The following PRLHR variants were observed in gnomAD, a reference collection of about 807,000 sequenced individuals.
The protein encoded by PRLHR is prolactin-releasing peptide receptor.
In PRLHR, 10 loss-of-function variants were observed where a neutral mutation model predicts 9.3. The observed-to-expected ratio is 1.08, with a 90% CI of 0.66 to 1.82. PRLHR has a LOEUF of 1.82. Among genes scored for constraint, PRLHR ranks in the 40% most tolerant of loss-of-function variants. PRLHR has a pLI of 0.00. For missense variants in PRLHR, 589 were observed against 512.0 expected (o/e 1.15, Z -1.45); for synonymous variants, 261 against 249.3 (o/e 1.05, Z -0.44).
In PRLHR at chr10:118,594,095, A is replaced by G. The variant is rs1172387024; in HGVS notation, c.*37T>C. On this transcript the variant is annotated 3_prime_UTR_variant, in exon 2 of 2. Coordinates refer to ENST00000239032, the MANE Select transcript of PRLHR (RefSeq NM_004248.3). The stretch of plus-strand genomic sequence containing the variant: ...GAGTGGTGCCCTAGGAGGCCAGTTG[A>G]AGTGGAGCTCCTTGACCAAGGCCTG... 1 of 1,507,142 alleles carries G rather than the reference A, an allele frequency of 6.6e-7. No individual in the cohort carries two copies. The allele number at this position is 1,507,142 out of a possible 1,614,324, so 93.4% of individuals were successfully genotyped here.
At chr10:118,595,454 G>T in intron 1 of PRLHR, 62 bp downstream of exon 1, 1 of 441,848 alleles carries the variant, frequency 2.3e-6, no homozygotes. Context: ...TTATTTAAAC[G>T]CTTCCGCCTC....
chr10:118,594,805 A>C lies in PRLHR; in HGVS notation c.440T>G (p.Val147Gly), dbSNP rs772581379. The change falls in exon 2 of 2, where the codon GTG (valine) becomes GGG (glycine). Residue 147 changes from valine (V) to glycine (G), a missense_variant. Transcript: ENST00000239032. ...VFFLQPVTVY[V>G]SVFTLTTIAV... ...GATGGTGGTGAGCGTGAACACCGAC[A>C]CATAGACGGTGACCGGCTGCAGGAA... The C allele has an allele frequency of 8.1e-6, 13 of 1,612,618 alleles. No individual in the cohort carries two copies. Among genetic ancestry groups the C allele is most frequent in the Non-Finnish European group, 1.1e-5 (13 of 1,179,860 alleles).
rs1415165789 is a variant in PRLHR, at chr10:118,595,008, G to A, written c.237C>T (p.Cys79=). 1 of 1,613,172 alleles carries A rather than the reference G, an allele frequency of 6.2e-7. No individual in the cohort carries two copies. Reference sequence around the variant, plus strand: ...CCCGCGCGATCACCAGCACCAGCAGGCAGTTGCCCACCAGCCCCACGACCA... The same window carrying A: ...CCCGCGCGATCACCAGCACCAGCAGACAGTTGCCCACCAGCCCCACGACCA... ...VVVVVGLVGN[C]LLVLVIARVR... The change falls in exon 2 of 2, where the codon TGC becomes TGT. Residue 79 remains cysteine, a synonymous_variant. Coordinates refer to ENST00000239032, the MANE Select transcript of PRLHR (RefSeq NM_004248.3).
Position 118,594,472 on chromosome 10 carries a change from G to A in PRLHR, c.773C>T (p.Pro258Leu), listed in dbSNP as rs1317649326. 1.7e-5 allele frequency: 28 copies of A among 1,601,444 alleles called. No homozygotes were observed. The highest frequency in any genetic ancestry group is 2.2e-5 in the Non-Finnish European group (26 of 1,178,140). ...GGCCTGGCTCTGGGTCACGCAGCCCGGCACCACGCGGTTGCGGAGCTTCAC... is the reference window on the plus strand; with the variant it reads ...GGCCTGGCTCTGGGTCACGCAGCCCAGCACCACGCGGTTGCGGAGCTTCAC... ...VSVKLRNRVV[P>L]GCVTQSQADW... The change falls in exon 2 of 2, where the codon CCG (proline) becomes CTG (leucine). Residue 258 changes from proline to leucine, a missense_variant. Coordinates refer to ENST00000239032, the MANE Select transcript of PRLHR (RefSeq NM_004248.3).
At position 118,594,288 on chromosome 10, in the gene PRLHR, G is replaced by A. The variant is rs752496959; in HGVS notation, c.957C>T (p.Leu319=). 1.9e-6 allele frequency: 3 copies of A among 1,604,350 alleles called. No homozygotes were observed. The highest frequency in any genetic ancestry group is 2.2e-5 in the South Asian group (2 of 90,096). Residue 319 remains leucine (L), a synonymous_variant, in exon 2 of 2, where the codon CTC becomes CTT. Coordinates refer to ENST00000239032, the MANE Select transcript of PRLHR (RefSeq NM_004248.3). ...CCGAACTCATGGCGAGCCAGTGGCA[G>A]AGCAGCTGCACCAGCCCAAAGGCGT... ...DPYAFGLVQL[L]CHWLAMSSAC...
chr10:118,593,089 C>A lies in PRLHR; in HGVS notation c.*1043G>T, dbSNP rs1221615981. The A allele has an allele frequency of 6.6e-6, 1 of 152,264 alleles. No homozygotes were observed. The highest frequency in any genetic ancestry group is 2.4e-5 in the African/African-American group (1 of 41,452). The allele number at this position is 152,264 out of a possible 1,614,324, so 9.4% of individuals were successfully genotyped here. A position where few individuals can be genotyped will look rare whatever the true frequency, so the allele number is the denominator to read the frequency against. On this transcript the variant is annotated 3_prime_UTR_variant, in exon 2 of 2. Coordinates refer to ENST00000239032, the MANE Select transcript of PRLHR (RefSeq NM_004248.3). Reference sequence around the variant, plus strand: ...CACATCATGTGGGTGGTAGCTTATTCTTCTGTTCTGTCCTTAAGTAAACTT... The same window carrying A: ...CACATCATGTGGGTGGTAGCTTATTATTCTGTTCTGTCCTTAAGTAAACTT...
rs958451326 is a variant in PRLHR, at chr10:118,595,170, G to A, written c.75C>T (p.Pro25=). The A allele has an allele frequency of 1.3e-6, 2 of 1,584,466 alleles. No individual in the cohort carries two copies. Among genetic ancestry groups the A allele is most frequent in the Non-Finnish European group, 1.7e-6 (2 of 1,170,134 alleles). The part of the protein sequence containing the change: ...FSGLPPAVTT[P]ANQSAEASAG... ...CCGAGGCCTCTGCGCTCTGGTTGGC[G>A]GGAGTTGTGACCGCCGGCGGCAGCC... The change falls in exon 2 of 2, where the codon CCC becomes CCT. Residue 25 remains proline (P), a synonymous_variant. Transcript: ENST00000239032.
rs1844452901 is a variant in PRLHR at position 118,593,761 on chromosome 10, A to G, written c.*371T>C. 6.1e-6 allele frequency: 1 copy of G among 165,152 alleles called. No individual in the cohort carries two copies. Among genetic ancestry groups the G allele is most frequent in the African/African-American group, 2.4e-5 (1 of 42,024 alleles). 10.2% of individuals were successfully genotyped at this position (165,152 alleles called of 1,614,324 possible). A position where few individuals can be genotyped will look rare whatever the true frequency, so the allele number is the denominator to read the frequency against. ...AATGCATTCCTTTTAAATCCCATTC[A>G]TATTGTTCATTTCACCAACGAGCAG... On this transcript the variant is annotated 3_prime_UTR_variant, in exon 2 of 2. Coordinates refer to ENST00000239032, the MANE Select transcript of PRLHR (RefSeq NM_004248.3).
In PRLHR at chr10:118,594,451, T is replaced by C. The variant is rs1439022744; in HGVS notation, c.794A>G (p.Gln265Arg). 5 of 1,601,984 alleles carry C rather than the reference T, an allele frequency of 3.1e-6. No individual in the cohort carries two copies. The highest frequency in any genetic ancestry group is 4.2e-6 in the Non-Finnish European group (5 of 1,179,270). Reference protein sequence around the residue: ...RVVPGCVTQSQADWDRARRRR... With the variant: ...RVVPGCVTQSRADWDRARRRR... Reference sequence around the variant, plus strand: ...GCGCCGAGCGCGGTCCCAGTCGGCCTGGCTCTGGGTCACGCAGCCCGGCAC... The same window carrying C: ...GCGCCGAGCGCGGTCCCAGTCGGCCCGGCTCTGGGTCACGCAGCCCGGCAC... Residue 265 changes from glutamine to arginine, a missense_variant, in exon 2 of 2, where the codon CAG becomes CGG. Transcript: ENST00000239032.
Position 118,594,090 on chromosome 10 carries a change from A to C in PRLHR, c.*42T>G, listed in dbSNP as rs1266161501. On this transcript the variant is annotated 3_prime_UTR_variant, in exon 2 of 2. Transcript: ENST00000239032. ...ACCTCGAGTGGTGCCCTAGGAGGCC[A>C]GTTGAAGTGGAGCTCCTTGACCAAG... The C allele has an allele frequency of 6.6e-7, 1 of 1,506,034 alleles. No homozygotes were observed. The highest frequency in any genetic ancestry group is 8.9e-7 in the Non-Finnish European group (1 of 1,126,736). 93.3% of individuals were successfully genotyped at this position (1,506,034 alleles called of 1,614,324 possible).
chr10:118,594,402 C>T lies in PRLHR; in HGVS notation c.843G>A (p.Val281=), dbSNP rs147384472. The part of the protein sequence containing the change: ...ARRRRTFCLL[V]VIVVVFAVCW... ...AGACGGCGAACACCACCACGATCAC[C>T]ACCAGCAAGCAGAAGGTGCGCCGGC... Residue 281 remains valine (V), a synonymous_variant, in exon 2 of 2, where the codon GTG becomes GTA. Coordinates refer to ENST00000239032, the MANE Select transcript of PRLHR (RefSeq NM_004248.3). 1.2e-5 allele frequency: 20 copies of T among 1,600,052 alleles called. No homozygotes were observed. The African/African-American group carries it at 2.1e-4, about 17-fold the overall frequency.
Position 118,595,250 on chromosome 10 carries a change from C to A in PRLHR, c.-6G>T. 3 of 1,517,448 alleles carry A rather than the reference C, an allele frequency of 2.0e-6. No homozygotes were observed. Among genetic ancestry groups the A allele is most frequent in the Non-Finnish European group, 2.6e-6 (3 of 1,138,210 alleles). The allele number at this position is 1,517,448 out of a possible 1,614,324, so 94.0% of individuals were successfully genotyped here. A position where few individuals can be genotyped will look rare whatever the true frequency, so the allele number is the denominator to read the frequency against. The stretch of plus-strand genomic sequence containing the variant: ...CGAGTGGTCGATGAGGCCATGGCCA[C>A]CTGTTCAAAGGTAATCAAAGTCCGT... On this transcript the variant is annotated splice_region_variant and 5_prime_UTR_variant, in exon 2 of 2. Coordinates refer to ENST00000239032, the MANE Select transcript of PRLHR (RefSeq NM_004248.3).
rs1289787010 is a variant in PRLHR at position 118,593,464 on chromosome 10, T to A, written c.*668A>T. ...AATTCGTCTCATCATTTTTAAATAG[T>A]AGTTGGGGAGGAAAGGGGAGAAACA... On this transcript the variant is annotated 3_prime_UTR_variant, in exon 2 of 2. Transcript: ENST00000239032. The A allele has an allele frequency of 6.6e-6, 1 of 152,198 alleles. No homozygotes were observed. The highest frequency in any genetic ancestry group is 1.5e-5 in the Non-Finnish European group (1 of 68,026). The allele number at this position is 152,198 out of a possible 1,614,324, so 9.4% of individuals were successfully genotyped here. A position where few individuals can be genotyped will look rare whatever the true frequency, so the allele number is the denominator to read the frequency against.
Position 118,594,953 on chromosome 10 carries a change from G to C in PRLHR, c.292C>G (p.Leu98Val). The change falls in exon 2 of 2, where the codon CTC becomes GTC. Residue 98 changes from leucine to valine, a missense_variant. Leu to Val is a conservative substitution (Grantham distance 32). Coordinates refer to ENST00000239032, the MANE Select transcript of PRLHR (RefSeq NM_004248.3). ...VRRLHNVTNFLIGNLALSDVL... is the reference protein window; with the variant it reads ...VRRLHNVTNFVIGNLALSDVL... The stretch of plus-strand genomic sequence containing the variant: ...TCGGACAAGGCCAGGTTGCCGATGA[G>C]GAAGTTCGTCACGTTGTGCAGCCGG... 1 of 1,613,714 alleles carries C rather than the reference G, an allele frequency of 6.2e-7. No individual in the cohort carries two copies. The highest frequency in any genetic ancestry group is 1.1e-5 in the South Asian group (1 of 91,080).
In PRLHR at chr10:118,591,695, C is replaced by A. The variant is rs914860075; in HGVS notation, c.*2437G>T. The A allele has an allele frequency of 8.5e-6, 1 of 117,648 alleles. No homozygotes were observed. Among genetic ancestry groups the A allele is most frequent in the Non-Finnish European group, 1.7e-5 (1 of 57,886 alleles). The allele number at this position is 117,648 out of a possible 1,614,324, so 7.3% of individuals were successfully genotyped here. A position where few individuals can be genotyped will look rare whatever the true frequency, so the allele number is the denominator to read the frequency against. ...TGAGATTCATTAGAAAGAGGATTCC[C>A]GCCCCCACCCCCCACCCCGAGATGG... On this transcript the variant is annotated 3_prime_UTR_variant, in exon 2 of 2. Coordinates refer to ENST00000239032, the MANE Select transcript of PRLHR (RefSeq NM_004248.3).
rs1043815869 is a variant in PRLHR at position 118,594,166 on chromosome 10, T to C, written c.1079A>G (p.His360Arg). 3 of 1,546,484 alleles carry C rather than the reference T, an allele frequency of 1.9e-6. No homozygotes were observed. Among genetic ancestry groups the C allele is most frequent in the African/African-American group, 2.7e-5 (2 of 73,012 alleles). The stretch of plus-strand genomic sequence containing the variant: ...CACGCTGACGGTCATATTCTGGCCA[T>C]GGGGGGCTATCTTGCGGGGCCAAGC... ...LVAWPRKIAP[H>R]GQNMTVSVVI The change falls in exon 2 of 2, where the codon CAT becomes CGT. Residue 360 changes from histidine (H) to arginine (R), a missense_variant. Coordinates refer to ENST00000239032, the MANE Select transcript of PRLHR (RefSeq NM_004248.3).
rs756476967 is a variant in PRLHR at position 118,595,157 on chromosome 10, C to A, written c.88G>T (p.Ala30Ser). The A allele has an allele frequency of 1.9e-6, 3 of 1,591,830 alleles. No homozygotes were observed. Among genetic ancestry groups the A allele is most frequent in the Non-Finnish European group, 2.6e-6 (3 of 1,172,738 alleles). The change falls in exon 2 of 2, where the codon GCA becomes TCA. Residue 30 changes from alanine (A) to serine (S), a missense_variant. Transcript: ENST00000239032. ...GACCCGTTGCCCGCCGAGGCCTCTGCGCTCTGGTTGGCGGGAGTTGTGACC... is the reference window on the plus strand; with the variant it reads ...GACCCGTTGCCCGCCGAGGCCTCTGAGCTCTGGTTGGCGGGAGTTGTGACC... ...PAVTTPANQS[A>S]EASAGNGSVA...
rs1012737959 is a variant in PRLHR at position 118,592,714 on chromosome 10, A to G, written c.*1418T>C. On this transcript the variant is annotated 3_prime_UTR_variant, in exon 2 of 2. Coordinates refer to ENST00000239032, the MANE Select transcript of PRLHR (RefSeq NM_004248.3). ...TCCCTCTTTCCTTTCCTTTTAGGGC[A>G]CATTTTAATGAATGAATTGAGCTTA... The G allele has an allele frequency of 6.6e-6, 1 of 152,184 alleles. No homozygotes were observed. Among genetic ancestry groups the G allele is most frequent in the Non-Finnish European group, 1.5e-5 (1 of 68,048 alleles). 9.4% of individuals were successfully genotyped at this position (152,184 alleles called of 1,614,324 possible).
At chr10:118,595,428 G>C in intron 1 of PRLHR, 88 bp downstream of exon 1, 1 of 517,784 alleles carries the variant, frequency 1.9e-6, no homozygotes, top group South Asian at 4.5e-5. Context: ...ACCTAAGCAC[G>C]GTTAGAACAT....
Sources: gnomAD v4.1 joint callset for allele counts on GRCh38, gnomAD v4.1.1 for gene constraint, MANE v1.5 for transcripts, NCBI Gene and HGNC (gene_info 2026-07-23, HGNC 2026-07-21) for gene names.